The following SOHLH2 variants were observed in gnomAD, a reference collection of about 807,000 sequenced individuals.
SOHLH2 encodes spermatogenesis- and oogenesis-specific basic helix-loop-helix-containing protein 2.
Under a neutral mutation model 50.4 loss-of-function variants are expected in SOHLH2, and 22 were observed. The observed-to-expected ratio is 0.44, with a 90% CI of 0.31 to 0.62. The LOEUF is 0.62. SOHLH2 is among the 20% of genes least tolerant of loss of function. The pLI, the probability that SOHLH2 is intolerant of heterozygous loss-of-function variation, is 0.08. For synonymous variants in SOHLH2, 185 were observed against 187.3 expected, an observed-to-expected ratio of 0.99 and a Z score of 0.10; for missense variants, 412 against 504.4, an observed-to-expected ratio of 0.82 and a Z score of 1.76.
At chr13:36,197,791 T>G (rs1040523595) in intron 2 of SOHLH2, among the ~76,000 whole-genome samples, 3 of 152,212 alleles carry the variant, frequency 2.0e-5, no homozygotes, top group Non-Finnish European at 4.4e-5. Flanking sequence ...CACTCGGCTC[T>G]CCCACAGAGC....
At chr13:36,176,397 T>C (rs890575281) in intron 6 of SOHLH2, among the ~76,000 whole-genome samples, 2 of 152,188 alleles carry the variant, frequency 1.3e-5, no homozygotes, top group Non-Finnish European at 2.9e-5. Flanking sequence ...TTGAAAGAAT[T>C]ATACAGTGAA....
chr13:36,188,157 T>G (rs1309869238), intron 6 of SOHLH2, among the ~76,000 whole-genome samples: 5 of 152,216 alleles, frequency 3.3e-5, no homozygotes, highest in African/African-American at 1.2e-4. Context: ...CCCTCCTGAC[T>G]GGACCATCCA....
rs1371008717 is a variant in SOHLH2 at position 36,168,385 on chromosome 13, CAGAA to C, written c.*645_*648del. On this transcript the variant is annotated 3_prime_UTR_variant, in exon 11 of 11. Coordinates refer to ENST00000379881, the MANE Select transcript of SOHLH2 (RefSeq NM_017826.3). ...ACCTGCTAGTCTGTAACTTAAGGTC[CAGAA>C]AGAAATATTTACCTATTAGCCATCG... 6.6e-6 allele frequency: 1 copy of C among 151,992 alleles called. No individual in the cohort carries two copies. Among genetic ancestry groups the C allele is most frequent in the Non-Finnish European group, 1.5e-5 (1 of 68,032 alleles). The allele number at this position is 151,992 out of a possible 1,614,324, so 9.4% of individuals were successfully genotyped here.
At chr13:36,207,416 T>C (rs915487380) in intron 1 of SOHLH2, among the ~76,000 whole-genome samples, 2 of 152,102 alleles carry the variant, frequency 1.3e-5, no homozygotes, top group African/African-American at 4.8e-5. Context: ...ATACCTTAAG[T>C]GCTTAATTGT....
chr13:36,170,973 C>T (rs1244835500), intron 9 of SOHLH2, among the ~76,000 whole-genome samples, 186 bp from the exon 10 acceptor site: 1 of 152,124 alleles, frequency 6.6e-6, no homozygotes, highest in South Asian at 2.1e-4. Flanking sequence ...GTGCAATACA[C>T]ACACTATAAA....
chr13:36,169,089 A>C (rs1299588347), intron 10 of SOHLH2, 35 bp from the exon 11 acceptor site: 1 of 1,598,790 alleles, frequency 6.3e-7, no homozygotes, highest in Non-Finnish European at 8.5e-7. Flanking sequence ...CATTAATTGA[A>C]TCCTCACCCA....
At chr13:36,195,769 GA>G (rs1887705846) in intron 2 of SOHLH2, among the ~76,000 whole-genome samples, 1 of 152,168 alleles carries the variant, frequency 6.6e-6, no homozygotes, top group Admixed American at 6.5e-5. Flanking sequence ...GGATTATTAA[GA>G]AAATGTGACA....
At chr13:36,192,971 T>C (rs1211272846) in intron 4 of SOHLH2, among the ~76,000 whole-genome samples, 1 of 152,162 alleles carries the variant, frequency 6.6e-6, no homozygotes, top group Non-Finnish European at 1.5e-5. Context: ...TTATTTAGTA[T>C]CCCAGGCCGA....
chr13:36,187,678 C>G (rs77946531), intron 6 of SOHLH2, among the ~76,000 whole-genome samples: 1 of 152,160 alleles, frequency 6.6e-6, no homozygotes, highest in African/African-American at 2.4e-5. Flanking sequence ...CCTCCCTGAT[C>G]GGGCCCCATC....
At chr13:36,185,924 A>T (rs963527432) in intron 6 of SOHLH2, among the ~76,000 whole-genome samples, 3 of 152,214 alleles carry the variant, frequency 2.0e-5, no homozygotes, top group African/African-American at 7.2e-5. Flanking sequence ...TCACCGTTGA[A>T]TCCTATCAAA....
At chr13:36,188,907 C>T (rs531346077) in intron 6 of SOHLH2, among the ~76,000 whole-genome samples, 1 of 152,264 alleles carries the variant, frequency 6.6e-6, no homozygotes, top group Admixed American at 6.5e-5. Flanking sequence ...AAGCCTAGAC[C>T]TTTCTCTAGA....
At chr13:36,205,768 A>C (rs1016539161) in intron 1 of SOHLH2, among the ~76,000 whole-genome samples, 5 of 152,082 alleles carry the variant, frequency 3.3e-5, no homozygotes, top group Non-Finnish European at 2.9e-5. Flanking sequence ...TGAATAGTTT[A>C]TAAAACACAG....
intron 1 of SOHLH2, among the ~76,000 whole-genome samples, chr13:36,211,318 T>C (rs527658982): frequency 1.3e-5 from 2 of 152,334 alleles, no homozygotes; most frequent in South Asian, 2.1e-4. Context: ...TTTTTTCTTT[T>C]AAAATATCCT....
intron 4 of SOHLH2, 77 bp downstream of exon 4, chr13:36,193,544 T>C: frequency 1.4e-6 from 2 of 1,426,286 alleles, no homozygotes; most frequent in South Asian, 1.4e-5. Context: ...TTTATGCTTG[T>C]TTTTGTCAGA....
intron 2 of SOHLH2, among the ~76,000 whole-genome samples, chr13:36,198,059 C>G (rs2183050): frequency 6.6e-6 from 1 of 151,880 alleles, no homozygotes; most frequent in Non-Finnish European, 1.5e-5. Context: ...GTTAGATCTC[C>G]GTGGCTCACA....
chr13:36,210,068 G>A (rs965335561), intron 1 of SOHLH2, among the ~76,000 whole-genome samples: 6 of 152,242 alleles, frequency 3.9e-5, no homozygotes, highest in South Asian at 2.1e-4. Flanking sequence ...TACAGAGATC[G>A]GGAAATTACT....
intron 1 of SOHLH2, among the ~76,000 whole-genome samples, chr13:36,203,099 T>C (rs1013743072): frequency 7.9e-5 from 12 of 152,206 alleles, no homozygotes; most frequent in Non-Finnish European, 1.5e-4. Flanking sequence ...TAGTCAACCT[T>C]CCTTTACCAT....
At chr13:36,174,377 C>T in intron 8 of SOHLH2, 99 bp downstream of exon 8, 2 of 1,504,560 alleles carry the variant, frequency 1.3e-6, no homozygotes, top group East Asian at 2.3e-5. Context: ...TAAGCCCCTG[C>T]ACTTTCACTG....
chr13:36,192,836 T>C (rs1053416002), intron 4 of SOHLH2, among the ~76,000 whole-genome samples: 2 of 152,188 alleles, frequency 1.3e-5, no homozygotes, highest in Non-Finnish European at 2.9e-5. Flanking sequence ...AATACAGTAT[T>C]GTTAACTATA....
Sources: gnomAD v4.1 joint callset for allele counts (sites outside exome capture counted in the v4.1 genomes callset) on GRCh38, gnomAD v4.1.1 for gene constraint, MANE v1.5 for transcripts, NCBI Gene and HGNC (gene_info 2026-07-23, HGNC 2026-07-21) for gene names.